PBLD: variants seen among roughly 807,000 people sequenced by gnomAD.
PBLD encodes the protein phenazine biosynthesis like protein domain containing.
A neutral mutation model predicts 31.3 loss-of-function variants in PBLD; 26 were observed. That is an observed-to-expected ratio of 0.83 (90% CI 0.61 to 1.15). The LOEUF is 1.15. Ranked by LOEUF, PBLD falls within the 50% of genes most tolerant of loss-of-function variation. The probability of loss-of-function intolerance (pLI) is 0.00; values close to 1 mark genes in which losing one functional copy is unlikely to be tolerated. For synonymous variants in PBLD, 114 were observed against 129.0 expected (o/e 0.88, Z 0.79); for missense variants, 307 against 351.7 (o/e 0.87, Z 1.02).
At position 68,284,207 on chromosome 10, in the gene PBLD, A is replaced by G. The variant is rs1297299245; in HGVS notation, c.837T>C (p.Ala279=). ...CTGTCAGTGTGCCCTCTAAAACAACAGCTGCACCTCCTCTAATGTCAACCC... is the reference window on the plus strand; with the variant it reads ...CTGTCAGTGTGCCCTCTAAAACAACGGCTGCACCTCCTCTAATGTCAACCC... ...DGRVDIRGGA[A]VVLEGTLTA Residue 279 remains alanine, a synonymous_variant, in exon 10 of 10, where the codon GCT becomes GCC. Transcript: ENST00000358769. The G allele has an allele frequency of 6.2e-7, 1 of 1,614,098 alleles. No homozygotes were observed. Among genetic ancestry groups the G allele is most frequent in the East Asian group, 2.2e-5 (1 of 44,870 alleles).
chr10:68,293,161 G>A lies in PBLD; in HGVS notation c.284-923C>T, dbSNP rs1472313092. Among the ~76,000 whole-genome samples the A allele has an allele frequency of 5.3e-5, 8 of 152,200 alleles. No individual in the cohort carries two copies. In the East Asian group the frequency reaches 1.3e-3, roughly 26 times the overall value. On this transcript the variant is annotated intron_variant, in intron 4 of 9. Coordinates refer to ENST00000358769, the MANE Select transcript of PBLD (RefSeq NM_022129.4). ...AGGCATGAACCACTGCACCCAGCCTGTAATGTTTCTAATACAGATTTTAAA... is the reference window on the plus strand; with the variant it reads ...AGGCATGAACCACTGCACCCAGCCTATAATGTTTCTAATACAGATTTTAAA...
chr10:68,294,530 T>C (rs2044399833), intron 4 of PBLD, among the ~76,000 whole-genome samples: 1 of 152,192 alleles, frequency 6.6e-6, no homozygotes, highest in Non-Finnish European at 1.5e-5. Context: ...TAGAGCTACC[T>C]TGCCCAAAGT....
chr10:68,297,133 T>G, intron 2 of PBLD, 148 bp from the exon 3 acceptor site: 1 of 661,266 alleles, frequency 1.5e-6, no homozygotes. Flanking sequence ...TTCAAGGCAC[T>G]TTTATAAAGA....
In PBLD at chr10:68,317,954, A is replaced by G. The variant is rs183708462; in HGVS notation, c.-59-11051T>C. On this transcript the variant is annotated intron_variant, in intron 1 of 9. Coordinates refer to ENST00000358769, the MANE Select transcript of PBLD (RefSeq NM_022129.4). ...ATAAAAAAATAAAGTAAGGCCGGGC[A>G]CGGTGGCTCACGCCTGTAATCCCAG... Among the ~76,000 whole-genome samples, 20 of 151,466 alleles carry G rather than the reference A, an allele frequency of 1.3e-4. 1 individual carries two copies. The highest frequency in any genetic ancestry group is 1.8e-4 in the Non-Finnish European group (12 of 67,790).
intron 1 of PBLD, among the ~76,000 whole-genome samples, chr10:68,328,931 G>A (rs2044968712): frequency 6.6e-6 from 1 of 152,218 alleles, no homozygotes. Flanking sequence ...AGGCTGGAGT[G>A]CAGTGGCACG....
At chr10:68,319,073 AAG>A (rs1491441435) in intron 1 of PBLD, among the ~76,000 whole-genome samples, 2 of 128,038 alleles carry the variant, frequency 1.6e-5, no homozygotes, top group Non-Finnish European at 3.2e-5. Flanking sequence ...GAAAGAAAGA[AAG>A]AAAGAAAGAA....
At position 68,313,916 on chromosome 10, in the gene PBLD, A is replaced by G. The variant is rs556720727; in HGVS notation, c.-59-7013T>C. ...CTCTGTTAAGGAAGCTGTACTTGAC[A>G]ATCCAATTGAACTGGAGGTTTATAT... On this transcript the variant is annotated intron_variant, in intron 1 of 9. Transcript: ENST00000358769. 1.1e-4 allele frequency among the ~76,000 whole-genome samples: 17 copies of G among 152,290 alleles called. 1 individual carries two copies. In the South Asian group the frequency reaches 3.3e-3, roughly 30 times the overall value.
intron 6 of PBLD, among the ~76,000 whole-genome samples, chr10:68,289,906 C>T (rs765950431): frequency 6.6e-5 from 10 of 152,140 alleles, no homozygotes; most frequent in Non-Finnish European, 1.3e-4. Context: ...CTAGAGGGCT[C>T]GTCCTGTGCT....
intron 9 of PBLD, 69 bp downstream of exon 9, chr10:68,285,279 T>C: frequency 6.2e-7 from 1 of 1,613,538 alleles, no homozygotes; most frequent in Non-Finnish European, 8.5e-7. Context: ...AAGGGGATAG[T>C]ACATATGAGA....
At chr10:68,286,873 G>GCCCATAA (rs1564723230) in intron 8 of PBLD, among the ~76,000 whole-genome samples, 2 of 151,528 alleles carry the variant, frequency 1.3e-5, no homozygotes, top group Non-Finnish European at 2.9e-5. Flanking sequence ...TGGGGTGGGC[G>GCCCATAA]TCCCAGCACT....
chr10:68,326,874 C>G (rs1166147806), intron 1 of PBLD, among the ~76,000 whole-genome samples: 1 of 152,100 alleles, frequency 6.6e-6, no homozygotes, highest in Non-Finnish European at 1.5e-5. Context: ...TGGTGAAACC[C>G]CATCTCTACC....
intron 1 of PBLD, chr10:68,331,915 C>G (rs1156476943): frequency 6.6e-6 from 1 of 152,340 alleles, no homozygotes; most frequent in Non-Finnish European, 1.5e-5. Context: ...CCCCCAACAG[C>G]TGCGCAACCC....
intron 1 of PBLD, among the ~76,000 whole-genome samples, chr10:68,313,587 T>C (rs1229764042): frequency 2.6e-5 from 4 of 152,178 alleles, no homozygotes; most frequent in Non-Finnish European, 5.9e-5. Flanking sequence ...TGTTTGGGAA[T>C]TTTTTCACTT....
chr10:68,312,901 G>A (rs61857274), intron 1 of PBLD, among the ~76,000 whole-genome samples: 7 of 151,496 alleles, frequency 4.6e-5, no homozygotes, highest in South Asian at 2.1e-4. Context: ...GTGAGCCACC[G>A]GGCCCAGCCT....
At chr10:68,296,042 A>G (rs2134446255) in intron 4 of PBLD, 1 of 385,960 alleles carries the variant, frequency 2.6e-6, no homozygotes, top group East Asian at 3.9e-5. Context: ...AAAATAAAAT[A>G]GCATTCTGAT....
intron 2 of PBLD, among the ~76,000 whole-genome samples, chr10:68,297,773 C>T (rs567962405): frequency 4.6e-4 from 70 of 152,168 alleles, no homozygotes; most frequent in Admixed American, 4.3e-3. Flanking sequence ...ATATAATATC[C>T]TAAGACCACA....
intron 1 of PBLD, among the ~76,000 whole-genome samples, chr10:68,326,692 C>T (rs988856635): frequency 1.3e-5 from 2 of 152,174 alleles, no homozygotes; most frequent in Non-Finnish European, 2.9e-5. Context: ...CTAGAATTAA[C>T]ATTATTTCAA....
chr10:68,314,103 A>C (rs2044704666), intron 1 of PBLD, among the ~76,000 whole-genome samples: 2 of 152,066 alleles, frequency 1.3e-5, no homozygotes, highest in African/African-American at 4.8e-5. Flanking sequence ...CAGCCTCCCG[A>C]GTAGCTGGGA....
At chr10:68,306,704 A>T (rs2044583593) in intron 2 of PBLD, 57 bp downstream of exon 2, 3 of 1,478,656 alleles carry the variant, frequency 2.0e-6, no homozygotes, top group Middle Eastern at 1.7e-4. Context: ...AAAATAAGTA[A>T]TTGTTTCTAC....
Sources: gnomAD v4.1 joint callset for allele counts (sites outside exome capture counted in the v4.1 genomes callset) on GRCh38, gnomAD v4.1.1 for gene constraint, MANE v1.5 for transcripts, NCBI Gene and HGNC (gene_info 2026-07-23, HGNC 2026-07-21) for gene names.